Variants in OSBPL10 observed in about 807,000 individuals in gnomAD.
The protein encoded by OSBPL10 is oxysterol-binding protein-related protein 10.
OSBPL10 carries 49 observed loss-of-function variants against 81.7 expected under a neutral mutation model. The observed-to-expected ratio is 0.60, with a 90% CI of 0.48 to 0.76. The LOEUF (loss-of-function observed/expected upper bound fraction) is 0.76, where lower values mean the gene tolerates loss of function less well. Ranked by LOEUF, OSBPL10 falls within the 30% of genes least tolerant of loss-of-function variation. The pLI is 0.00. For missense variants in OSBPL10, 923 were observed against 987.8 expected, an observed-to-expected ratio of 0.93 and a Z score of 0.88; for synonymous variants, 419 against 383.6, an observed-to-expected ratio of 1.09 and a Z score of -1.08.
intron 6 of OSBPL10, among the ~76,000 whole-genome samples, chr3:31,726,536 G>T (rs960823311): frequency 3.3e-5 from 5 of 151,916 alleles, no homozygotes; most frequent in Non-Finnish European, 7.4e-5. Context: ...GGACGGTCTC[G>T]ATCTCCCGAC....
At chr3:31,957,928 C>T (rs556756063) in intron 1 of OSBPL10, among the ~76,000 whole-genome samples, 9 of 152,274 alleles carry the variant, frequency 5.9e-5, no homozygotes, top group African/African-American at 1.9e-4. Flanking sequence ...CGTGAGCCAC[C>T]GCACCCGGCC....
chr3:31,853,840 T>C (rs1700835938), intron 3 of OSBPL10, among the ~76,000 whole-genome samples: 1 of 152,190 alleles, frequency 6.6e-6, no homozygotes, highest in Non-Finnish European at 1.5e-5. Flanking sequence ...AGTCCAGTGG[T>C]GCTGGAGCAG....
At chr3:32,056,111 G>T (rs1699710545) in intron 1 of OSBPL10, among the ~76,000 whole-genome samples, 2 of 152,102 alleles carry the variant, frequency 1.3e-5, no homozygotes, top group South Asian at 4.1e-4. Flanking sequence ...ATCATGATTT[G>T]CTTTTAATAA....
intron 5 of OSBPL10, 49 bp downstream of exon 5, chr3:31,747,861 A>G (rs769483207): frequency 5.2e-6 from 8 of 1,548,036 alleles, no homozygotes; most frequent in Non-Finnish European, 7.1e-6. Context: ...GGACACAGAC[A>G]CAGTGTGTGT....
intron 5 of OSBPL10, among the ~76,000 whole-genome samples, chr3:31,744,954 A>G (rs1243653302): frequency 6.6e-6 from 1 of 152,204 alleles, no homozygotes; most frequent in South Asian, 2.1e-4. Flanking sequence ...GGCAAAAGAG[A>G]CCACAGAAAC....
At chr3:31,916,129 T>C (rs912899838) in intron 1 of OSBPL10, among the ~76,000 whole-genome samples, 3 of 150,686 alleles carry the variant, frequency 2.0e-5, no homozygotes, top group Admixed American at 6.6e-5. Context: ...TCCAGCACTG[T>C]CTCCAGGAGG....
At chr3:31,837,941 G>C (rs1340356404) in intron 3 of OSBPL10, among the ~76,000 whole-genome samples, 2 of 152,112 alleles carry the variant, frequency 1.3e-5, no homozygotes, top group Non-Finnish European at 2.9e-5. Flanking sequence ...ATGTTGTAAA[G>C]ATGTCAGTTC....
chr3:32,062,905 TA>T (rs2125443145), intron 1 of OSBPL10, among the ~76,000 whole-genome samples: 1 of 94,974 alleles, frequency 1.1e-5, no homozygotes, highest in South Asian at 4.0e-4. Context: ...ATCAATCCTT[TA>T]AAATAGAAAG....
At chr3:31,920,620 A>G (rs1696886726) in intron 1 of OSBPL10, among the ~76,000 whole-genome samples, 1 of 152,322 alleles carries the variant, frequency 6.6e-6, no homozygotes, top group Non-Finnish European at 1.5e-5. Flanking sequence ...GCCAAGTGAT[A>G]TGGTTTGGAT....
intron 5 of OSBPL10, among the ~76,000 whole-genome samples, chr3:31,742,780 C>A (rs974111021): frequency 6.6e-6 from 1 of 152,136 alleles, no homozygotes; most frequent in African/African-American, 2.4e-5. Flanking sequence ...AGGCCCAGTT[C>A]CCCTCCCACA....
intron 5 of OSBPL10, among the ~76,000 whole-genome samples, chr3:31,737,310 T>C (rs1697208869): frequency 6.6e-6 from 1 of 151,688 alleles, no homozygotes; most frequent in African/African-American, 2.4e-5. Context: ...TTACGTGGAG[T>C]GAATAAAAAG....
At chr3:31,797,768 T>C (rs1314006320) in intron 4 of OSBPL10, 5 of 456,192 alleles carry the variant, frequency 1.1e-5, no homozygotes, top group African/African-American at 2.0e-5. Flanking sequence ...AAAGATCAAC[T>C]GGGTTTGAGT....
chr3:31,830,337 T>C, intron 3 of OSBPL10, 106 bp from the exon 4 acceptor site: 1 of 1,173,990 alleles, frequency 8.5e-7, no homozygotes, highest in East Asian at 2.5e-5. Flanking sequence ...CTTCCTCTCT[T>C]TAGGGAGCTG....
intron 1 of OSBPL10, among the ~76,000 whole-genome samples, chr3:31,911,418 T>G (rs1696573846): frequency 6.6e-6 from 1 of 152,064 alleles, no homozygotes; most frequent in South Asian, 2.1e-4. Context: ...TCTGAGCATT[T>G]TGTCCCTTTC....
intron 1 of OSBPL10, among the ~76,000 whole-genome samples, chr3:31,972,798 T>C (rs1698601371): frequency 1.3e-5 from 2 of 152,174 alleles, no homozygotes; most frequent in South Asian, 2.1e-4. Flanking sequence ...AATATATTTA[T>C]AGAAAGGGAC....
At chr3:31,695,217 GGTTCAAAATACACT>G (rs1695677893) in intron 7 of OSBPL10, among the ~76,000 whole-genome samples, 1 of 152,084 alleles carries the variant, frequency 6.6e-6, no homozygotes, top group Non-Finnish European at 1.5e-5. Flanking sequence ...TCTCTGAAAG[GGTTCAAAATACACT>G]GTTCGAGGTT....
chr3:32,072,993 C>T (rs114381016), intron 1 of OSBPL10, among the ~76,000 whole-genome samples: 5 of 152,198 alleles, frequency 3.3e-5, no homozygotes, highest in African/African-American at 1.2e-4. Context: ...TACCCCTCAC[C>T]GTCCTCAATC....
chr3:32,076,537 T>A (rs1699879240), intron 1 of OSBPL10, among the ~76,000 whole-genome samples: 1 of 152,074 alleles, frequency 6.6e-6, no homozygotes, highest in Admixed American at 6.6e-5. Flanking sequence ...AGAAAGGGGA[T>A]CCTTTCCCTG....
intron 10 of OSBPL10, 105 bp from the exon 11 acceptor site, chr3:31,664,337 C>G (rs113818389): frequency 7.8e-5 from 95 of 1,220,220 alleles, no homozygotes; most frequent in Admixed American, 4.0e-5. Context: ...GCCAGGCAAG[C>G]CCCCTCTGGG....
Sources: allele counts gnomAD v4.1 joint callset (sites outside exome capture counted in the v4.1 genomes callset), GRCh38; gene constraint gnomAD v4.1.1; transcripts MANE v1.5; gene names NCBI Gene and HGNC (gene_info 2026-07-23, HGNC 2026-07-21).